The following MAD2L2 variants were observed in gnomAD, a reference collection of about 807,000 sequenced individuals.
The protein encoded by MAD2L2 is mitotic spindle assembly checkpoint protein MAD2B.
In MAD2L2, 17 loss-of-function variants were observed where a neutral mutation model predicts 30.5. That is an observed-to-expected ratio of 0.56 (90% CI 0.38 to 0.84). The LOEUF (loss-of-function observed/expected upper bound fraction) is 0.84. Among genes scored for constraint, MAD2L2 ranks in the 40% least tolerant of loss-of-function variants. The pLI, the probability that MAD2L2 is intolerant of heterozygous loss-of-function variation, is 0.00. For missense variants in MAD2L2, 213 were observed against 277.4 expected (o/e 0.77, Z 1.65); for synonymous variants, 101 against 113.9 (o/e 0.89, Z 0.72).
chr1:11,677,321 C>T lies in MAD2L2; in HGVS notation c.231+222G>A, dbSNP rs28924107. The T allele has an allele frequency of 9.7e-4, 584 of 600,664 alleles. 2 individuals are homozygous for T. In the African/African-American group the frequency reaches 9.9e-3, roughly 10 times the overall value. 37.2% of individuals were successfully genotyped at this position (600,664 alleles called of 1,614,324 possible). A position where few individuals can be genotyped will look rare whatever the true frequency, so the allele number is the denominator to read the frequency against. ...CCCCTACTTAGAGCCAGCTCCAACC[C>T]GGGCTCCCAGGCCCAAGGCACCCTG... On this transcript the variant is annotated intron_variant, in intron 4 of 8. Coordinates refer to ENST00000376692, the MANE Select transcript of MAD2L2 (RefSeq NM_006341.4).
At position 11,674,616 on chromosome 1, in the gene MAD2L2, A is replaced by C; in HGVS notation, c.*159T>G. The C allele has an allele frequency of 1.4e-6, 1 of 690,476 alleles. No homozygotes were observed. 42.8% of individuals were successfully genotyped at this position (690,476 alleles called of 1,614,324 possible). A position where few individuals can be genotyped will look rare whatever the true frequency, so the allele number is the denominator to read the frequency against. ...CCCTCACTGCCCTCCTGGGGGAGGCATCCTCCAAGCAGACCTGAGCGGCCC... is the reference window on the plus strand; with the variant it reads ...CCCTCACTGCCCTCCTGGGGGAGGCCTCCTCCAAGCAGACCTGAGCGGCCC... On this transcript the variant is annotated 3_prime_UTR_variant, in exon 9 of 9. Coordinates refer to ENST00000376692, the MANE Select transcript of MAD2L2 (RefSeq NM_006341.4). The surrounding 1 kb of genome is among the most constrained non-coding windows in gnomAD (Gnocchi z 6.1).
intron 3 of MAD2L2, among the ~76,000 whole-genome samples, chr1:11,678,074 C>A (rs1211757480): frequency 8.1e-5 from 9 of 110,816 alleles, no homozygotes; most frequent in Non-Finnish European, 1.1e-4. Flanking sequence ...AAAAAAAAAA[C>A]CAGAGGCTAA....
intron 2 of MAD2L2, 27 bp downstream of exon 2, chr1:11,680,535 C>G (rs1172303135): frequency 1.9e-6 from 3 of 1,609,646 alleles, no homozygotes; most frequent in East Asian, 4.5e-5. Context: ...GCCCCCGCCC[C>G]CGGGCCCGCA....
upstream of MAD2L2, among the ~76,000 whole-genome samples, chr1:11,683,513 C>CT (rs1640908979): frequency 1.4e-5 from 2 of 144,858 alleles, no homozygotes; most frequent in South Asian, 2.3e-4. Context: ...TTTGGGGACT[C>CT]GGGGGGAAGG....
At chr1:11,684,127 A>G (rs917021855), upstream of MAD2L2, among the ~76,000 whole-genome samples, 2 of 148,438 alleles carry the variant, frequency 1.3e-5, no homozygotes, top group African/African-American at 4.9e-5. Context: ...TGAACAGGCC[A>G]GATAGATGTT....
intron 1 of MAD2L2, among the ~76,000 whole-genome samples, chr1:11,686,238 C>G (rs1003340958): frequency 6.6e-6 from 1 of 152,176 alleles, no homozygotes; most frequent in South Asian, 2.1e-4. Flanking sequence ...CTGCTGACAG[C>G]TCCTCTCCGC....
At chr1:11,684,089 C>G (rs1437449434), upstream of MAD2L2, among the ~76,000 whole-genome samples, 1 of 151,300 alleles carries the variant, frequency 6.6e-6, no homozygotes, top group Non-Finnish European at 1.5e-5. Context: ...CCCCAAACCC[C>G]TAAAAGGCTT....
chr1:11,677,670 C>T, intron 3 of MAD2L2, 56 bp from the exon 4 acceptor site: 1 of 1,453,084 alleles, frequency 6.9e-7, no homozygotes, highest in Non-Finnish European at 9.6e-7. Flanking sequence ...GGAAACCACC[C>T]AACACAACCA....
Position 11,675,194 on chromosome 1 carries a change from CAG to C in MAD2L2, c.502-22_502-21del. 6.4e-7 allele frequency: 1 copy of C among 1,552,396 alleles called. No homozygotes were observed. Among genetic ancestry groups the C allele is most frequent in the Non-Finnish European group, 8.8e-7 (1 of 1,142,110 alleles). ...GAAATCCTAGGGAGGAGACAAAGGT[CAG>C]GGGGGTGACGGGGCTGGGCCCTGGC... On this transcript the variant is annotated intron_variant, in intron 7 of 8. Coordinates refer to ENST00000376692, the MANE Select transcript of MAD2L2 (RefSeq NM_006341.4).
At chr1:11,677,495 G>A (rs375215106) in intron 4 of MAD2L2, 48 bp downstream of exon 4, 73 of 1,555,876 alleles carry the variant, frequency 4.7e-5, no homozygotes, top group Middle Eastern at 3.4e-4. Context: ...ACACAGGGAC[G>A]GGGGTGAGCA....
intron 6 of MAD2L2, 76 bp from the exon 7 acceptor site, chr1:11,675,807 C>T (rs1300520573): frequency 2.4e-6 from 3 of 1,265,482 alleles, no homozygotes; most frequent in Non-Finnish European, 3.5e-6. Flanking sequence ...CTTCCCACTT[C>T]CCTTGCTGGC....
rs976824666 is a variant in MAD2L2, at chr1:11,687,532, G to A, written c.-692+3881C>T. Among the ~76,000 whole-genome samples the A allele has an allele frequency of 3.9e-5, 6 of 152,114 alleles. No homozygotes were observed. Among genetic ancestry groups the A allele is most frequent in the African/African-American group, 1.4e-4 (6 of 41,416 alleles). On this transcript the variant is annotated intron_variant, in intron 1 of 10. Transcript: ENST00000235310. The surrounding 1 kb of genome is among the most constrained non-coding windows in gnomAD (Gnocchi z 4.1). ...TGGGATGACAGGCATGAGCCACCACGCCCAGACTAATTTTTAAAATTTTCT... is the reference window on the plus strand; with the variant it reads ...TGGGATGACAGGCATGAGCCACCACACCCAGACTAATTTTTAAAATTTTCT...
Position 11,690,091 on chromosome 1 carries a change from TTGTC to T in MAD2L2, c.-692+1318_-692+1321del, listed in dbSNP as rs1412756658. Reference sequence around the variant, plus strand: ...AAACAACACCTCGTCCCTTCATGCTTTGTCTGTAATGTGCTTTACTTTTCTTCAT... The same window carrying T: ...AAACAACACCTCGTCCCTTCATGCTTTGTAATGTGCTTTACTTTTCTTCAT... On this transcript the variant is annotated intron_variant, in intron 1 of 10. Transcript: ENST00000235310. This position sits in a 1 kb window ranked among gnomAD's most constrained non-coding sequence, Gnocchi z 4.2. Among the ~76,000 whole-genome samples, 1 of 152,108 alleles carries T rather than the reference TTGTC, an allele frequency of 6.6e-6. No individual in the cohort carries two copies. The highest frequency in any genetic ancestry group is 2.4e-5 in the African/African-American group (1 of 41,410).
intron 3 of MAD2L2, among the ~76,000 whole-genome samples, 160 bp downstream of exon 3, chr1:11,680,193 A>T (rs1557679956): frequency 6.6e-6 from 1 of 151,414 alleles, no homozygotes; most frequent in Non-Finnish European, 1.5e-5. Context: ...ACGGGGTTTC[A>T]CCATGTTTGT....
chr1:11,678,817 C>T (rs78469459), intron 3 of MAD2L2, among the ~76,000 whole-genome samples: 280 of 152,314 alleles, frequency 1.8e-3, no homozygotes, highest in African/African-American at 6.0e-3. Flanking sequence ...CTTAGCCAGG[C>T]CTACCTAAAC....
chr1:11,684,854 C>T (rs757857110), upstream of MAD2L2, among the ~76,000 whole-genome samples: 4 of 152,068 alleles, frequency 2.6e-5, no homozygotes, highest in Admixed American at 6.5e-5. Flanking sequence ...TGCAATGCTC[C>T]GGGGCAGGGA....
chr1:11,675,266 C>T (rs1333757758), intron 7 of MAD2L2, 92 bp from the exon 8 acceptor site: 3 of 811,268 alleles, frequency 3.7e-6, no homozygotes, highest in African/African-American at 3.5e-5. Flanking sequence ...CAGGGGCCTC[C>T]AACCTGAGCC....
intron 4 of MAD2L2, chr1:11,677,200 A>T: frequency 1.7e-6 from 1 of 605,904 alleles, no homozygotes; most frequent in Non-Finnish European, 2.9e-6. Flanking sequence ...TCAGGACTAG[A>T]TGGGGAAGAA....
At chr1:11,675,851 G>C (rs920071698) in intron 6 of MAD2L2, 120 bp from the exon 7 acceptor site, 1 of 973,374 alleles carries the variant, frequency 1.0e-6, no homozygotes, top group African/African-American at 1.6e-5. Flanking sequence ...GGCAAAGCAA[G>C]TGCTAAGAAA....
Sources: gnomAD v4.1 joint callset for allele counts (sites outside exome capture counted in the v4.1 genomes callset) on GRCh38, gnomAD v4.1.1 for gene constraint, Gnocchi (gnomAD v3.1) non-coding constraint, MANE v1.5 for transcripts, NCBI Gene and HGNC (gene_info 2026-07-23, HGNC 2026-07-21) for gene names.